The following SHANK2 variants were observed in gnomAD, a reference collection of about 807,000 sequenced individuals.
SHANK2 encodes the protein SH3 and multiple ankyrin repeat domains 2.
In SHANK2, 43 loss-of-function variants were observed where a neutral mutation model predicts 133.7. The observed-to-expected ratio is 0.32, with a 90% confidence interval of 0.25 to 0.41. The LOEUF (loss-of-function observed/expected upper bound fraction) is 0.41. SHANK2 is among the 10% of genes least tolerant of loss of function. The probability of loss-of-function intolerance (pLI) is 1.00; values close to 1 mark genes in which losing one functional copy is unlikely to be tolerated. For missense variants in SHANK2, 1,994 were observed against 2,235.8 expected (o/e 0.89, Z 2.18); for synonymous variants, 1,017 against 952.8 (o/e 1.07, Z -1.24).
chr11:71,105,094 G>A (rs2135187963), intron 6 of SHANK2, among the ~76,000 whole-genome samples: 1 of 152,280 alleles, frequency 6.6e-6, no homozygotes, highest in African/African-American at 2.4e-5. Context: ...CCTTTAGGAG[G>A]CAAGTGGATA....
At chr11:70,851,629 C>T (rs1278749766) in intron 11 of SHANK2, among the ~76,000 whole-genome samples, 1 of 152,172 alleles carries the variant, frequency 6.6e-6, no homozygotes, top group African/African-American at 2.4e-5. Flanking sequence ...CACCACAGAA[C>T]CCTGCCTCAG....
At chr11:70,505,647 C>T (rs1210428170) in intron 17 of SHANK2, among the ~76,000 whole-genome samples, 2 of 152,188 alleles carry the variant, frequency 1.3e-5, no homozygotes, top group Non-Finnish European at 2.9e-5. Context: ...TGCCTGCTTG[C>T]TCCTGCCACC....
At chr11:71,227,165 A>G (rs1954656136) in intron 1 of SHANK2, among the ~76,000 whole-genome samples, 1 of 152,178 alleles carries the variant, frequency 6.6e-6, no homozygotes, top group Non-Finnish European at 1.5e-5. Flanking sequence ...CAAATAACCC[A>G]CAAGAAGGCA....
chr11:70,659,910 G>A lies in SHANK2; in HGVS notation c.1979C>T (p.Pro660Leu), dbSNP rs566762955. Reference protein sequence around the residue: ...IEEFTPTPAFPALQYLESVDE... With the variant: ...IEEFTPTPAFLALQYLESVDE... ...CACGGACTCCAGGTACTGTAGGGCT[G>A]GGAAAGCCGGTGTTGGTGTGAATTC... is the stretch of plus-strand genomic sequence containing the variant. The change falls in exon 17 of 26, where the codon CCA (proline) becomes CTA (leucine). Residue 660 changes from proline (P) to leucine (L), a missense_variant. By Grantham distance (98) the Pro-to-Leu change is moderately conservative. Coordinates refer to ENST00000601538, the MANE Select transcript of SHANK2 (RefSeq NM_012309.5). 1.2e-6 allele frequency: 2 copies of A among 1,614,206 alleles called. No homozygotes were observed. Among genetic ancestry groups the A allele is most frequent in the Non-Finnish European group, 1.7e-6 (2 of 1,180,028 alleles).
At chr11:70,706,776 C>T (rs1555025019) in intron 14 of SHANK2, among the ~76,000 whole-genome samples, 1 of 151,114 alleles carries the variant, frequency 6.6e-6, no homozygotes, top group Admixed American at 6.6e-5. Context: ...ACCTAGAAAT[C>T]CCACTTAATA....
chr11:70,801,610 C>A (rs1048101218), intron 13 of SHANK2, among the ~76,000 whole-genome samples: 1 of 152,138 alleles, frequency 6.6e-6, no homozygotes, highest in African/African-American at 2.4e-5. Context: ...GACTCCACAC[C>A]CTGGGTAAGA....
intron 13 of SHANK2, among the ~76,000 whole-genome samples, chr11:70,802,344 C>T (rs1489942095): frequency 2.0e-5 from 3 of 152,202 alleles, no homozygotes; most frequent in Non-Finnish European, 4.4e-5. Flanking sequence ...CGCTCCCTGC[C>T]TCAGCAGCTC....
At chr11:70,632,538 T>G (rs2061008250) in intron 17 of SHANK2, among the ~76,000 whole-genome samples, 1 of 152,158 alleles carries the variant, frequency 6.6e-6, no homozygotes, top group Non-Finnish European at 1.5e-5. Context: ...CTCTCCTTGA[T>G]AACAATCCAA....
intron 10 of SHANK2, chr11:70,942,928 A>C: frequency 4.4e-6 from 2 of 452,964 alleles, no homozygotes; most frequent in South Asian, 3.1e-5. Context: ...CAGGAGAATA[A>C]AGATAGATGG....
At chr11:70,770,455 C>T (rs1947223978) in intron 14 of SHANK2, among the ~76,000 whole-genome samples, 1 of 152,212 alleles carries the variant, frequency 6.6e-6, no homozygotes, top group Admixed American at 6.5e-5. Flanking sequence ...AACACTGAGG[C>T]CCCCAGCTGG....
At chr11:70,794,293 A>G (rs1466635424) in intron 14 of SHANK2, among the ~76,000 whole-genome samples, 3 of 151,370 alleles carry the variant, frequency 2.0e-5, no homozygotes, top group African/African-American at 7.3e-5. Flanking sequence ...AAAAAAAAAA[A>G]CAACATATAA....
Position 70,654,770 on chromosome 11 carries a change from T to C in SHANK2, c.2061+5058A>G, listed in dbSNP as rs139747183. 4.4e-3 allele frequency among the ~76,000 whole-genome samples: 667 copies of C among 151,198 alleles called. 3 individuals are homozygous for C. Among genetic ancestry groups the C allele is most frequent in the African/African-American group, 0.015 (630 of 40,848 alleles). ...CTACCTGGTTTTGTTTTTGTTTTTTTTGTTTTTTTTTTTTTGAGACGGAGT... is the reference window on the plus strand; with the variant it reads ...CTACCTGGTTTTGTTTTTGTTTTTTCTGTTTTTTTTTTTTTGAGACGGAGT... On this transcript the variant is annotated intron_variant, in intron 17 of 25. Coordinates refer to ENST00000601538, the MANE Select transcript of SHANK2 (RefSeq NM_012309.5).
intron 15 of SHANK2, among the ~76,000 whole-genome samples, chr11:70,684,634 C>T (rs1410989629): frequency 6.6e-6 from 1 of 152,100 alleles, no homozygotes; most frequent in Non-Finnish European, 1.5e-5. Context: ...CTCACACTCC[C>T]TTCACCCAGG....
At chr11:70,920,202 G>C (rs139083481) in intron 10 of SHANK2, among the ~76,000 whole-genome samples, 1 of 152,296 alleles carries the variant, frequency 6.6e-6, no homozygotes, top group African/African-American at 2.4e-5. Flanking sequence ...GTAGCTACTA[G>C]TATAATCATA....
intron 3 of SHANK2, 79 bp downstream of exon 3, chr11:71,147,041 G>T: frequency 8.0e-7 from 1 of 1,242,932 alleles, no homozygotes; most frequent in Non-Finnish European, 1.1e-6. Context: ...GTCCGGGGAG[G>T]ACCAGAGCAG....
chr11:70,793,397 G>C (rs1241879819), intron 14 of SHANK2, among the ~76,000 whole-genome samples: 5 of 152,140 alleles, frequency 3.3e-5, no homozygotes, highest in Non-Finnish European at 5.9e-5. Context: ...GATGACTGTA[G>C]TTAGAAAATG....
intron 17 of SHANK2, among the ~76,000 whole-genome samples, chr11:70,616,807 A>G (rs1554996085): frequency 6.6e-6 from 1 of 152,142 alleles, no homozygotes; most frequent in African/African-American, 2.4e-5. Flanking sequence ...GCTCCTGACC[A>G]GTCCCCAGGC....
chr11:70,503,530 T>C (rs2059091717), intron 17 of SHANK2, among the ~76,000 whole-genome samples: 1 of 152,226 alleles, frequency 6.6e-6, no homozygotes, highest in African/African-American at 2.4e-5. Flanking sequence ...GTGGGGGCCC[T>C]GTCCCTGTGC....
intron 11 of SHANK2, among the ~76,000 whole-genome samples, chr11:70,857,854 C>T (rs1949195864): frequency 6.6e-6 from 1 of 152,190 alleles, no homozygotes; most frequent in East Asian, 1.9e-4. Context: ...GAGTCACACA[C>T]CATGTTCCAC....
Sources: gnomAD v4.1 joint callset for allele counts (sites outside exome capture counted in the v4.1 genomes callset) on GRCh38, gnomAD v4.1.1 for gene constraint, MANE v1.5 for transcripts, NCBI Gene and HGNC (gene_info 2026-07-23, HGNC 2026-07-21) for gene names.